Variants in ETV6 observed in about 807,000 individuals in gnomAD.
ETV6 encodes transcription factor ETV6.
In ETV6, 16 loss-of-function variants were observed where a neutral mutation model predicts 51.1. The ratio of observed to expected loss-of-function variants is 0.31; its 90% CI spans 0.21 to 0.48. ETV6 has a LOEUF of 0.48. Among genes scored for constraint, ETV6 ranks in the 20% least tolerant of loss-of-function variants. The pLI, the probability that ETV6 is intolerant of heterozygous loss-of-function variation, is 0.99. For synonymous variants in ETV6, 240 were observed against 224.1 expected (o/e 1.07, Z -0.64); for missense variants, 458 against 594.8 (o/e 0.77, Z 2.39).
At chr12:11,664,285 TG>T (rs1160875514) in intron 1 of ETV6, among the ~76,000 whole-genome samples, 1 of 152,212 alleles carries the variant, frequency 6.6e-6, no homozygotes. Flanking sequence ...ATCCTCTGAC[TG>T]GATCAGTTTG....
Position 11,851,189 on chromosome 12 carries a change from T to C in ETV6, c.329-2238T>C, listed in dbSNP as rs539757891. On this transcript the variant is annotated intron_variant, in intron 3 of 7. Coordinates refer to ENST00000396373, the MANE Select transcript of ETV6 (RefSeq NM_001987.5). ...AACACCCTCACAGACACTAAATTTA[T>C]ATTTCCTGGCCTCCCCTTCCAAAAT... 5.9e-5 allele frequency among the ~76,000 whole-genome samples: 9 copies of C among 151,476 alleles called. No individual in the cohort carries two copies. In the East Asian group the frequency reaches 1.7e-3, roughly 29 times the overall value.
intron 5 of ETV6, among the ~76,000 whole-genome samples, chr12:11,883,276 C>CCTTTTTTTTTTTT (rs1947129956): frequency 1.3e-5 from 1 of 79,116 alleles, no homozygotes; most frequent in African/African-American, 7.4e-5. Flanking sequence ...ATGTCTTCTT[C>CCTTTTTTTTTTTT]TTTTTTTTTT....
At chr12:11,730,631 C>T (rs949872697) in intron 1 of ETV6, among the ~76,000 whole-genome samples, 1 of 152,180 alleles carries the variant, frequency 6.6e-6, no homozygotes, top group African/African-American at 2.4e-5. Flanking sequence ...GCTCTGTGAA[C>T]CTGCGACTTC....
chr12:11,831,396 T>A (rs1946243636), intron 2 of ETV6, among the ~76,000 whole-genome samples: 1 of 152,224 alleles, frequency 6.6e-6, no homozygotes, highest in Admixed American at 6.5e-5. Context: ...CAGCTAATTT[T>A]TGTATTTCAG....
At chr12:11,757,290 CA>C (rs1454136583) in intron 2 of ETV6, among the ~76,000 whole-genome samples, 2 of 152,112 alleles carry the variant, frequency 1.3e-5, no homozygotes, top group African/African-American at 4.8e-5. Context: ...GCCTTCTCAG[CA>C]GAGTAACTGA....
At chr12:11,879,053 T>C (rs1330081565) in intron 5 of ETV6, among the ~76,000 whole-genome samples, 1 of 152,132 alleles carries the variant, frequency 6.6e-6, no homozygotes, top group Non-Finnish European at 1.5e-5. Context: ...TATTGCCACA[T>C]GCCCCCAGTT....
At chr12:11,673,366 G>A (rs543334128) in intron 1 of ETV6, among the ~76,000 whole-genome samples, 1 of 152,014 alleles carries the variant, frequency 6.6e-6, no homozygotes, top group Admixed American at 6.6e-5. Flanking sequence ...TGGAGAGAAG[G>A]GCTCATACTA....
At chr12:11,738,234 C>T (rs377511259) in intron 1 of ETV6, among the ~76,000 whole-genome samples, 2 of 69,764 alleles carry the variant, frequency 2.9e-5, no homozygotes, top group African/African-American at 7.5e-5. Context: ...CCCTCCCTCC[C>T]TCCTTCCCTC....
rs571084435 is a variant in ETV6 at position 11,756,693 on chromosome 12, A to C, written c.163+4114A>C. ...GGGATGTTTTCTGATTTGTCTACCC[A>C]AAGGCCGCCCTTTTTCTAAACTCAT... On this transcript the variant is annotated intron_variant, in intron 2 of 7. Transcript: ENST00000396373. 2.0e-5 allele frequency among the ~76,000 whole-genome samples: 3 copies of C among 152,200 alleles called. No homozygotes were observed. The East Asian group carries it at 5.8e-4, about 29-fold the overall frequency.
intron 1 of ETV6, among the ~76,000 whole-genome samples, chr12:11,712,240 T>C (rs12308599): frequency 0.018 from 2,800 of 152,340 alleles, 81 homozygotes; most frequent in African/African-American, 0.063. Context: ...CTGTAGTCCC[T>C]ATTTCATCCA....
At chr12:11,666,768 C>G (rs1438691119) in intron 1 of ETV6, among the ~76,000 whole-genome samples, 1 of 152,216 alleles carries the variant, frequency 6.6e-6, no homozygotes, top group Non-Finnish European at 1.5e-5. Flanking sequence ...ACAGTTTCCC[C>G]GAAACCGTCA....
Position 11,892,523 on chromosome 12 carries a change from TC to T in ETV6, c.*1478del, listed in dbSNP as rs1283667013. ...TTTAGATTTTTTTTTTTTTTCCTTT[TC>T]TAGCCATCTAAATTGACTCTTCCAA... On this transcript the variant is annotated 3_prime_UTR_variant, in exon 8 of 8. Transcript: ENST00000396373. 4.3e-6 allele frequency: 1 copy of T among 232,930 alleles called. No individual in the cohort carries two copies. 14.4% of individuals were successfully genotyped at this position (232,930 alleles called of 1,614,324 possible).
intron 1 of ETV6, among the ~76,000 whole-genome samples, chr12:11,711,611 C>T (rs1327373110): frequency 1.3e-5 from 2 of 152,186 alleles, no homozygotes; most frequent in Non-Finnish European, 2.9e-5. Flanking sequence ...TTGTTTTCTG[C>T]GGGAGATCTA....
At chr12:11,861,720 T>C (rs1388396700) in intron 4 of ETV6, among the ~76,000 whole-genome samples, 3 of 152,166 alleles carry the variant, frequency 2.0e-5, no homozygotes, top group African/African-American at 7.2e-5. Context: ...CTGGGAGCAG[T>C]TTGATTTCAT....
intron 5 of ETV6, among the ~76,000 whole-genome samples, chr12:11,872,997 G>T (rs966096707): frequency 6.6e-6 from 1 of 152,154 alleles, no homozygotes; most frequent in African/African-American, 2.4e-5. Flanking sequence ...GAATATTCAT[G>T]TAAAATAACC....
Position 11,873,705 on chromosome 12 carries a change from G to T in ETV6, c.1009+3736G>T, listed in dbSNP as rs186686393. On this transcript the variant is annotated intron_variant, in intron 5 of 7. Transcript: ENST00000396373. ...ATTTATGCATTTGGACACCTTCTGT[G>T]TATAAGGCACTGTTCTGCATTCTTG... 1.3e-4 allele frequency among the ~76,000 whole-genome samples: 15 copies of T among 113,236 alleles called. 4 individuals are homozygous for T. Among genetic ancestry groups the T allele is most frequent in the Non-Finnish European group, 2.2e-4 (12 of 55,500 alleles). 74.3% of individuals were successfully genotyped at this position (113,236 alleles called of 152,430 possible).
At chr12:11,743,162 G>A (rs565198817) in intron 1 of ETV6, among the ~76,000 whole-genome samples, 4 of 152,078 alleles carry the variant, frequency 2.6e-5, no homozygotes, top group African/African-American at 7.2e-5. Flanking sequence ...ATTGTTATCC[G>A]AATCTCTCAC....
intron 1 of ETV6, among the ~76,000 whole-genome samples, chr12:11,733,460 C>T (rs547738387): frequency 2.1e-4 from 31 of 149,960 alleles, no homozygotes; most frequent in African/African-American, 7.4e-4. Flanking sequence ...CTTAGCCCTT[C>T]AAGCCCCCGC....
intron 2 of ETV6, among the ~76,000 whole-genome samples, chr12:11,793,457 CAAAG>C (rs1364869133): frequency 1.5e-4 from 23 of 152,308 alleles, no homozygotes; most frequent in Admixed American, 8.5e-4. Context: ...AGTTATTAGA[CAAAG>C]AAAGCCATGC....
Sources: allele counts gnomAD v4.1 joint callset (sites outside exome capture counted in the v4.1 genomes callset), GRCh38; gene constraint gnomAD v4.1.1; transcripts MANE v1.5; gene names NCBI Gene and HGNC (gene_info 2026-07-23, HGNC 2026-07-21).